GRM4: variants seen among roughly 807,000 people sequenced by gnomAD.
GRM4 encodes metabotropic glutamate receptor 4.
Under a neutral mutation model 81.7 loss-of-function variants are expected in GRM4, and 28 were observed. The observed-to-expected ratio is 0.34, with a 90% CI of 0.25 to 0.47. The LOEUF is 0.47. GRM4 is among the 20% of genes least tolerant of loss of function. The pLI, the probability that GRM4 is intolerant of heterozygous loss-of-function variation, is 1.00. For synonymous variants in GRM4, 488 were observed against 528.8 expected, an observed-to-expected ratio of 0.92 and a Z score of 1.06; for missense variants, 948 against 1,290.0, an observed-to-expected ratio of 0.73 and a Z score of 4.06.
At chr6:34,102,077 T>G (rs1330704103) in intron 2 of GRM4, 1 of 1,535,608 alleles carries the variant, frequency 6.5e-7, no homozygotes, top group Admixed American at 2.0e-5. Flanking sequence ...CTTTTTTCTC[T>G]TGGCGCCATC....
In GRM4 at chr6:34,090,145, A is replaced by T. The variant is rs1020544728; in HGVS notation, c.736+1738T>A. On this transcript the variant is annotated intron_variant, in intron 3 of 10. Transcript: ENST00000538487. The surrounding 1 kb of genome is among the most constrained non-coding windows in gnomAD (Gnocchi z 5.2). ...GGCAGGAAGGACTGCCCAGGACAGC[A>T]GGTGCTGGGCACAGAGGGAGGCCTG... Among the ~76,000 whole-genome samples the T allele has an allele frequency of 3.3e-5, 5 of 152,164 alleles. No homozygotes were observed. The highest frequency in any genetic ancestry group is 3.3e-4 in the Admixed American group (5 of 15,280).
intron 3 of GRM4, among the ~76,000 whole-genome samples, chr6:34,066,547 C>T (rs141349589): frequency 1.9e-4 from 29 of 151,714 alleles, no homozygotes; most frequent in African/African-American, 6.0e-4. Flanking sequence ...AGACTTTGTC[C>T]GTTGTTTTCA....
At chr6:34,099,691 AC>A (rs1768729883) in intron 2 of GRM4, among the ~76,000 whole-genome samples, 1 of 152,064 alleles carries the variant, frequency 6.6e-6, no homozygotes, top group South Asian at 2.1e-4. Context: ...GGCCTCACAC[AC>A]CCACGCCCTC....
chr6:34,101,997 C>T, intron 2 of GRM4: 1 of 1,534,954 alleles, frequency 6.5e-7, no homozygotes, highest in Non-Finnish European at 8.7e-7. Context: ...GTGGCCAGGT[C>T]AGGGCCTCTC....
intron 6 of GRM4, among the ~76,000 whole-genome samples, chr6:34,044,895 TAC>T (rs545931691): frequency 2.0e-4 from 22 of 107,836 alleles, no homozygotes; most frequent in Non-Finnish European, 3.8e-4. Flanking sequence ...GACATACACA[TAC>T]ACACACAGAC....
intron 3 of GRM4, among the ~76,000 whole-genome samples, chr6:34,083,748 G>A (rs2499705): frequency 2.0e-5 from 3 of 152,124 alleles, no homozygotes; most frequent in Non-Finnish European, 4.4e-5. Flanking sequence ...GAGGCCTCCC[G>A]CTTTGAAGCT....
At chr6:34,081,255 A>C (rs935247596) in intron 3 of GRM4, among the ~76,000 whole-genome samples, 1 of 152,234 alleles carries the variant, frequency 6.6e-6, no homozygotes, top group African/African-American at 2.4e-5. Context: ...CACCTCCTCT[A>C]AAGTGGGGAC....
intron 2 of GRM4, among the ~76,000 whole-genome samples, chr6:34,122,330 G>A (rs913356964): frequency 2.6e-5 from 4 of 152,110 alleles, no homozygotes; most frequent in African/African-American, 9.7e-5. Flanking sequence ...GCAGGAAGCT[G>A]GGGATAGACA....
Position 34,035,601 on chromosome 6 carries a change from T to TG in GRM4, c.2442+66_2442+67insC. 3.2e-6 allele frequency: 3 copies of TG among 946,278 alleles called. No homozygotes were observed. Among genetic ancestry groups the TG allele is most frequent in the Non-Finnish European group, 4.6e-6 (3 of 650,376 alleles). The allele number at this position is 946,278 out of a possible 1,614,324, so 58.6% of individuals were successfully genotyped here. A position where few individuals can be genotyped will look rare whatever the true frequency, so the allele number is the denominator to read the frequency against. ...GGAGCAGGGGGGAGGCCAGCCAGCC[T>TG]CAGGAGGCTGCCCCTTGCTCACTGC... On this transcript the variant is annotated intron_variant, in intron 9 of 10. Coordinates refer to ENST00000538487, the MANE Select transcript of GRM4 (RefSeq NM_000841.4). This position sits in a 1 kb window ranked among gnomAD's most constrained non-coding sequence, Gnocchi z 6.6.
intron 2 of GRM4, among the ~76,000 whole-genome samples, chr6:34,112,530 A>C (rs1581710276): frequency 6.6e-6 from 1 of 152,012 alleles, no homozygotes; most frequent in South Asian, 2.1e-4. Context: ...GGGGGGACTC[A>C]CCAGTTTCTC....
rs555807146 is a variant in GRM4 at position 34,089,983 on chromosome 6, G to A, written c.736+1900C>T. The stretch of plus-strand genomic sequence containing the variant: ...AGAAACAGATGAGACCTCTAGTTCC[G>A]GAGCCAGCCATCCTGGGTTCAAATC... On this transcript the variant is annotated intron_variant, in intron 3 of 10. Coordinates refer to ENST00000538487, the MANE Select transcript of GRM4 (RefSeq NM_000841.4). The surrounding 1 kb of genome is among the most constrained non-coding windows in gnomAD (Gnocchi z 4.3). Among the ~76,000 whole-genome samples the A allele has an allele frequency of 1.9e-4, 29 of 152,280 alleles. No homozygotes were observed. Among genetic ancestry groups the A allele is most frequent in the African/African-American group, 6.7e-4 (28 of 41,552 alleles).
chr6:34,119,403 A>AGAG (rs1769713451), intron 2 of GRM4, among the ~76,000 whole-genome samples: 1 of 151,318 alleles, frequency 6.6e-6, no homozygotes, highest in African/African-American at 2.4e-5. Flanking sequence ...GAAAGAAAGA[A>AGAG]AGAGAGAGAG....
intron 6 of GRM4, among the ~76,000 whole-genome samples, chr6:34,044,018 C>T (rs1765137308): frequency 6.6e-6 from 1 of 151,774 alleles, no homozygotes; most frequent in South Asian, 2.1e-4. Context: ...CAGGAGGATG[C>T]CCACCACACA....
At chr6:34,083,518 C>T (rs1767717549) in intron 3 of GRM4, among the ~76,000 whole-genome samples, 1 of 152,186 alleles carries the variant, frequency 6.6e-6, no homozygotes, top group South Asian at 2.1e-4. Flanking sequence ...CACTTAATTT[C>T]CACCCGCAGC....
intron 2 of GRM4, among the ~76,000 whole-genome samples, chr6:34,104,684 A>G (rs1426450453): frequency 6.6e-6 from 1 of 152,156 alleles, no homozygotes; most frequent in African/African-American, 2.4e-5. Flanking sequence ...GCACCCAGGA[A>G]GCAGCCAGGA....
At chr6:34,058,916 G>A (rs967705226) in intron 5 of GRM4, 58 bp downstream of exon 5, 1 of 1,377,320 alleles carries the variant, frequency 7.3e-7, no homozygotes, top group Non-Finnish European at 1.0e-6. Context: ...AGCCGAGGAG[G>A]GATGGCAGGA....
intron 2 of GRM4, among the ~76,000 whole-genome samples, chr6:34,112,148 T>C (rs1413331040): frequency 6.6e-6 from 1 of 152,154 alleles, no homozygotes. Context: ...GAAACCAGAT[T>C]GAAATTAATC....
intron 2 of GRM4, chr6:34,110,716 G>A (rs142864444): frequency 5.3e-6 from 8 of 1,520,456 alleles, no homozygotes; most frequent in Middle Eastern, 1.7e-4. Context: ...CCGCTGTGCC[G>A]GGGTGCTGGG....
chr6:34,035,479 A>G lies in GRM4; in HGVS notation c.2442+189T>C, dbSNP rs1764639751. Among the ~76,000 whole-genome samples the G allele has an allele frequency of 7.3e-6, 1 of 136,982 alleles. No homozygotes were observed. The highest frequency in any genetic ancestry group is 3.3e-5 in the African/African-American group (1 of 30,554). 89.9% of individuals were successfully genotyped at this position (136,982 alleles called of 152,430 possible). A position where few individuals can be genotyped will look rare whatever the true frequency, so the allele number is the denominator to read the frequency against. On this transcript the variant is annotated intron_variant, in intron 9 of 10. Coordinates refer to ENST00000538487, the MANE Select transcript of GRM4 (RefSeq NM_000841.4). This position sits in a 1 kb window ranked among gnomAD's most constrained non-coding sequence, Gnocchi z 6.6. ...GAGAGAAAACCCAGAACCCAGAGAGAAAACTTGCAGCTGGGAGAGAAGGCA... is the reference window on the plus strand; with the variant it reads ...GAGAGAAAACCCAGAACCCAGAGAGGAAACTTGCAGCTGGGAGAGAAGGCA...
Sources: allele counts gnomAD v4.1 joint callset (sites outside exome capture counted in the v4.1 genomes callset), GRCh38; gene constraint gnomAD v4.1.1; non-coding constraint Gnocchi (gnomAD v3.1); transcripts MANE v1.5; gene names NCBI Gene and HGNC (gene_info 2026-07-23, HGNC 2026-07-21).